Variants in CDCP1 observed in about 807,000 individuals in gnomAD.
CDCP1 encodes the protein CUB domain containing protein 1, also known as CUB domain-containing protein 1.
A neutral mutation model predicts 60.2 loss-of-function variants in CDCP1; 29 were observed. That is an observed-to-expected ratio of 0.48 (90% CI 0.36 to 0.66). The LOEUF is 0.66. Ranked by LOEUF, CDCP1 falls within the 30% of genes least tolerant of loss-of-function variation. The pLI, the probability that CDCP1 is intolerant of heterozygous loss-of-function variation, is 0.00. For missense variants in CDCP1, 876 were observed against 1,074.3 expected (o/e 0.82, Z 2.58); for synonymous variants, 387 against 431.1 (o/e 0.90, Z 1.27).
At chr3:45,110,209 C>A in intron 4 of CDCP1, 1 of 1,336,376 alleles carries the variant, frequency 7.5e-7, no homozygotes, top group Non-Finnish European at 9.6e-7. Flanking sequence ...AATGACCTTT[C>A]AATGCCTTCG....
At chr3:45,113,071 GTC>G (rs1186061334) in intron 2 of CDCP1, among the ~76,000 whole-genome samples, 1 of 152,204 alleles carries the variant, frequency 6.6e-6, no homozygotes, top group African/African-American at 2.4e-5. Context: ...TTGTAGCAGA[GTC>G]TGTGCTTTGG....
intron 1 of CDCP1, among the ~76,000 whole-genome samples, chr3:45,120,395 A>C (rs1698862978): frequency 6.6e-6 from 1 of 151,968 alleles, no homozygotes; most frequent in Admixed American, 6.6e-5. Flanking sequence ...TTGCCTTTTG[A>C]CCTCACTTAG....
At chr3:45,134,780 A>T (rs1265502225) in intron 1 of CDCP1, among the ~76,000 whole-genome samples, 1 of 152,102 alleles carries the variant, frequency 6.6e-6, no homozygotes, top group East Asian at 1.9e-4. Flanking sequence ...GGCACACTCC[A>T]GGAGATCTTT....
At chr3:45,140,841 A>G (rs1209681139) in intron 1 of CDCP1, among the ~76,000 whole-genome samples, 2 of 152,232 alleles carry the variant, frequency 1.3e-5, no homozygotes, top group Non-Finnish European at 2.9e-5. Flanking sequence ...TCCAACCTCA[A>G]CACATTTTAA....
intron 1 of CDCP1, among the ~76,000 whole-genome samples, chr3:45,123,686 A>G (rs370673167): frequency 6.6e-6 from 1 of 152,200 alleles, no homozygotes; most frequent in South Asian, 2.1e-4. Context: ...CGCTGCAATA[A>G]AAACAGTGGT....
In CDCP1 at chr3:45,091,531, G is replaced by A. The variant is rs1356563448; in HGVS notation, c.1635C>T (p.Gly545=). ...TTGTGTCAGGGGTCACCGTGAAAAC[G>A]CCTTCCTCTGCAGGAAAGGGAGGGA... ...VSFIPYFKEE[G]VFTVTPDTKS... The change falls in exon 7 of 9, where the codon GGC becomes GGT. Residue 545 remains glycine (G), a synonymous_variant. Transcript: ENST00000296129. The surrounding 1 kb of genome is among the most constrained non-coding windows in gnomAD (Gnocchi z 4.8). The A allele has an allele frequency of 2.5e-6, 4 of 1,598,402 alleles. No homozygotes were observed. Among genetic ancestry groups the A allele is most frequent in the Admixed American group, 1.7e-5 (1 of 59,090 alleles).
At chr3:45,095,677 C>A in intron 4 of CDCP1, 109 bp from the exon 5 acceptor site, 1 of 787,530 alleles carries the variant, frequency 1.3e-6, no homozygotes. Flanking sequence ...CATATCAGAC[C>A]ATGGATGGAT....
chr3:45,145,368 C>T (rs1392401118), intron 1 of CDCP1, among the ~76,000 whole-genome samples: 1 of 152,184 alleles, frequency 6.6e-6, no homozygotes, highest in African/African-American at 2.4e-5. Flanking sequence ...CATGAAGAAA[C>T]CAGGTTATTT....
intron 1 of CDCP1, among the ~76,000 whole-genome samples, chr3:45,141,654 A>G (rs115318507): frequency 1.9e-3 from 284 of 152,310 alleles, no homozygotes; most frequent in African/African-American, 6.4e-3. Flanking sequence ...AGACTGATGG[A>G]CCAGATACAA....
At position 45,086,021 on chromosome 3, in the gene CDCP1, T is replaced by C; in HGVS notation, c.2128A>G (p.Asn710Asp). The part of the protein sequence containing the change: ...KGPAVGIYND[N>D]INTEMPRQPK... ...TGCCTCGGCATCTCAGTATTGATGT[T>C]GTCATTGTAGATACCCACAGCGGGG... The change falls in exon 9 of 9, where the codon AAC (asparagine) becomes GAC (aspartate). Residue 710 changes from asparagine to aspartate, a missense_variant. Asn to Asp is a conservative substitution (Grantham distance 23). Coordinates refer to ENST00000296129, the MANE Select transcript of CDCP1 (RefSeq NM_022842.5). The C allele has an allele frequency of 6.2e-7, 1 of 1,614,184 alleles. No individual in the cohort carries two copies. The highest frequency in any genetic ancestry group is 8.5e-7 in the Non-Finnish European group (1 of 1,180,022).
At chr3:45,140,274 G>A (rs1699265867) in intron 1 of CDCP1, among the ~76,000 whole-genome samples, 1 of 152,186 alleles carries the variant, frequency 6.6e-6, no homozygotes, top group South Asian at 2.1e-4. Context: ...CTCATTTCTG[G>A]AGACTGTATT....
At chr3:45,144,630 C>G (rs930420384) in intron 1 of CDCP1, among the ~76,000 whole-genome samples, 1 of 152,112 alleles carries the variant, frequency 6.6e-6, no homozygotes, top group Admixed American at 6.6e-5. Flanking sequence ...ATTAGCAATG[C>G]CTTGATTAAC....
chr3:45,111,076 T>TA (rs1480885798), intron 3 of CDCP1, among the ~76,000 whole-genome samples: 1 of 152,152 alleles, frequency 6.6e-6, no homozygotes, highest in African/African-American at 2.4e-5. Flanking sequence ...AGCCCTGACT[T>TA]ATAGCGTCTG....
At chr3:45,108,714 TGC>T (rs1698615459) in intron 4 of CDCP1, among the ~76,000 whole-genome samples, 2 of 141,086 alleles carry the variant, frequency 1.4e-5, no homozygotes, top group Non-Finnish European at 3.2e-5. Flanking sequence ...CATATATATA[TGC>T]ATGTATACAT....
chr3:45,144,079 C>T (rs1248329140), intron 1 of CDCP1, among the ~76,000 whole-genome samples: 1 of 152,172 alleles, frequency 6.6e-6, no homozygotes. Flanking sequence ...TTTCAAAAGG[C>T]TATGATCCCA....
intron 1 of CDCP1, among the ~76,000 whole-genome samples, chr3:45,145,854 TG>T (rs1215342356): frequency 6.6e-6 from 1 of 152,042 alleles, no homozygotes; most frequent in East Asian, 1.9e-4. Flanking sequence ...CGCGCCACCT[TG>T]GACATGTCGC....
chr3:45,145,743 C>T (rs1221961735), intron 1 of CDCP1, among the ~76,000 whole-genome samples: 1 of 152,136 alleles, frequency 6.6e-6, no homozygotes, highest in African/African-American at 2.4e-5. Context: ...TCTCTCTGGA[C>T]CAGGCGAGGA....
chr3:45,124,143 C>A (rs1294555618), intron 1 of CDCP1, among the ~76,000 whole-genome samples: 2 of 152,168 alleles, frequency 1.3e-5, no homozygotes, highest in African/African-American at 4.8e-5. Context: ...TCATTAATCA[C>A]CATATCACAC....
At chr3:45,126,940 G>T (rs1457348009) in intron 1 of CDCP1, among the ~76,000 whole-genome samples, 1 of 152,182 alleles carries the variant, frequency 6.6e-6, no homozygotes, top group Non-Finnish European at 1.5e-5. Context: ...CAAGTTTTGT[G>T]TCCCAGCTCT....
Sources: gnomAD v4.1 joint callset for allele counts (sites outside exome capture counted in the v4.1 genomes callset) on GRCh38, gnomAD v4.1.1 for gene constraint, Gnocchi (gnomAD v3.1) non-coding constraint, MANE v1.5 for transcripts, NCBI Gene and HGNC (gene_info 2026-07-23, HGNC 2026-07-21) for gene names.